ANGPT1: variants seen among roughly 807,000 people sequenced by gnomAD.
ANGPT1 encodes the protein angiopoietin 1.
A neutral mutation model predicts 62.2 loss-of-function variants in ANGPT1; 17 were observed. That is an observed-to-expected ratio of 0.27 (90% CI 0.19 to 0.41). ANGPT1 has a LOEUF of 0.41. Among genes scored for constraint, ANGPT1 ranks in the 10% least tolerant of loss-of-function variants. The probability of loss-of-function intolerance (pLI) is 1.00; values close to 1 mark genes in which losing one functional copy is unlikely to be tolerated. For missense variants in ANGPT1, 478 were observed against 594.9 expected (o/e 0.80, Z 2.04); for synonymous variants, 199 against 198.9 (o/e 1.00, Z 0.00).
intron 1 of ANGPT1, among the ~76,000 whole-genome samples, chr8:107,413,015 G>C (rs1177704817): frequency 6.6e-6 from 1 of 152,140 alleles, no homozygotes; most frequent in Admixed American, 6.6e-5. Flanking sequence ...CAACTAAAAA[G>C]ATGTGGCCAA....
At chr8:107,387,591 C>A (rs1035813884) in intron 1 of ANGPT1, among the ~76,000 whole-genome samples, 2 of 151,762 alleles carry the variant, frequency 1.3e-5, no homozygotes, top group African/African-American at 4.8e-5. Context: ...TACTATAGTA[C>A]GATCGTACTA....
At chr8:107,433,944 A>G (rs1415533817) in intron 1 of ANGPT1, among the ~76,000 whole-genome samples, 1 of 152,216 alleles carries the variant, frequency 6.6e-6, no homozygotes, top group Admixed American at 6.5e-5. Context: ...TATTCCAAAT[A>G]CTGTGAAAGG....
At chr8:107,407,738 T>C (rs140956498) in intron 1 of ANGPT1, among the ~76,000 whole-genome samples, 180 of 152,318 alleles carry the variant, frequency 1.2e-3, no homozygotes, top group African/African-American at 3.8e-3. Context: ...TCCTACTCCC[T>C]GCCTTTTGGT....
chr8:107,332,956 T>A (rs1038136220), intron 3 of ANGPT1, among the ~76,000 whole-genome samples: 2 of 152,208 alleles, frequency 1.3e-5, no homozygotes, highest in Non-Finnish European at 2.9e-5. Flanking sequence ...ACTATTTTTT[T>A]AAAACATAAA....
chr8:107,429,523 G>A (rs1456581681), intron 1 of ANGPT1, among the ~76,000 whole-genome samples: 1 of 151,984 alleles, frequency 6.6e-6, no homozygotes, highest in Admixed American at 6.6e-5. Flanking sequence ...AGAGATGTTT[G>A]TTAACCCAGC....
intron 1 of ANGPT1, among the ~76,000 whole-genome samples, chr8:107,354,916 C>CTTTTTT (rs780289972): frequency 7.4e-6 from 1 of 135,930 alleles, no homozygotes; most frequent in Non-Finnish European, 1.6e-5. Flanking sequence ...GATGGTGTTG[C>CTTTTTT]TTTTTTTTTT....
chr8:107,256,747 C>CT (rs1325999677), intron 8 of ANGPT1, among the ~76,000 whole-genome samples: 1 of 152,050 alleles, frequency 6.6e-6, no homozygotes, highest in Non-Finnish European at 1.5e-5. Context: ...CCTGAAAGAA[C>CT]TCAATGATGC....
chr8:107,370,360 G>GAAAGAAAGAAAGAAAA (rs1816371667), intron 1 of ANGPT1, among the ~76,000 whole-genome samples: 2 of 30,094 alleles, frequency 6.6e-5, no homozygotes, highest in African/African-American at 1.2e-4. Context: ...AAGAAAGAAA[G>GAAAGAAAGAAAGAAAA]AAAGAAAGAA....
chr8:107,370,700 CAAAAAA>C (rs71308729), intron 1 of ANGPT1, among the ~76,000 whole-genome samples: 1,894 of 75,584 alleles, frequency 0.025, 32 homozygotes, highest in African/African-American at 0.093. Context: ...AAGACTCTGT[CAAAAAA>C]AAAAAAAAAA....
intron 8 of ANGPT1, among the ~76,000 whole-genome samples, chr8:107,260,679 T>C (rs1210430028): frequency 6.6e-6 from 1 of 152,194 alleles, no homozygotes; most frequent in Non-Finnish European, 1.5e-5. Context: ...TAGCTTTCCA[T>C]AATAAATAGC....
chr8:107,449,832 A>G (rs764238730), intron 1 of ANGPT1, among the ~76,000 whole-genome samples: 7 of 152,094 alleles, frequency 4.6e-5, no homozygotes, highest in Non-Finnish European at 8.8e-5. Flanking sequence ...GTGTCTTTGC[A>G]TATTCGTCCT....
chr8:107,351,015 G>A (rs1044363655), intron 1 of ANGPT1, among the ~76,000 whole-genome samples: 2 of 152,056 alleles, frequency 1.3e-5, no homozygotes, highest in African/African-American at 2.4e-5. Flanking sequence ...TACAGAAAAT[G>A]ACAGCCACCT....
chr8:107,459,488 C>T (rs1202873481), intron 1 of ANGPT1, among the ~76,000 whole-genome samples: 1 of 79,742 alleles, frequency 1.3e-5, no homozygotes, highest in Non-Finnish European at 2.8e-5. Context: ...GACTCCTTAT[C>T]AAACAACAAC....
chr8:107,400,628 C>A (rs561434004), intron 1 of ANGPT1, among the ~76,000 whole-genome samples: 1 of 150,636 alleles, frequency 6.6e-6, no homozygotes, highest in Non-Finnish European at 1.5e-5. Flanking sequence ...GTCGTGATCT[C>A]GGCACACTGC....
intron 1 of ANGPT1, among the ~76,000 whole-genome samples, chr8:107,358,397 A>G (rs1349629605): frequency 6.6e-6 from 1 of 151,426 alleles, no homozygotes; most frequent in Non-Finnish European, 1.5e-5. Flanking sequence ...TCTCCCTTTG[A>G]TCAAAGGACT....
chr8:107,350,039 G>A (rs1431374987), intron 1 of ANGPT1, among the ~76,000 whole-genome samples: 1 of 152,084 alleles, frequency 6.6e-6, no homozygotes, highest in Non-Finnish European at 1.5e-5. Context: ...GCACCAGGAT[G>A]TAAATTATCT....
intron 1 of ANGPT1, among the ~76,000 whole-genome samples, chr8:107,463,847 ATACAT>A (rs1315034507): frequency 6.6e-6 from 1 of 152,182 alleles, no homozygotes; most frequent in East Asian, 1.9e-4. Context: ...GACATGTAGA[ATACAT>A]TACAAGGATC....
intron 4 of ANGPT1, 120 bp from the exon 5 acceptor site, chr8:107,303,487 T>C (rs1046713774): frequency 1.3e-6 from 1 of 789,244 alleles, no homozygotes; most frequent in African/African-American, 1.8e-5. Context: ...ATATCGCACA[T>C]AGTAAAAAGT....
intron 8 of ANGPT1, among the ~76,000 whole-genome samples, chr8:107,262,652 AATC>A (rs1219906259): frequency 2.0e-5 from 3 of 152,154 alleles, no homozygotes; most frequent in African/African-American, 7.2e-5. Flanking sequence ...GCTAATATGA[AATC>A]ATGTTTTGTA....
Sources: gnomAD v4.1 joint callset for allele counts (sites outside exome capture counted in the v4.1 genomes callset) on GRCh38, gnomAD v4.1.1 for gene constraint, MANE v1.5 for transcripts, NCBI Gene and HGNC (gene_info 2026-07-23, HGNC 2026-07-21) for gene names.